The following KALRN variants were observed in gnomAD, a reference collection of about 807,000 sequenced individuals.
The protein encoded by KALRN is kalirin RhoGEF kinase.
Under a neutral mutation model 353.7 loss-of-function variants are expected in KALRN, and 70 were observed. The ratio of observed to expected loss-of-function variants is 0.20; its 90% confidence interval spans 0.16 to 0.24. The LOEUF (loss-of-function observed/expected upper bound fraction) is 0.24. Ranked by LOEUF, KALRN falls within the 10% of genes least tolerant of loss-of-function variation. KALRN has a pLI of 1.00. For synonymous variants in KALRN, 1,391 were observed against 1,434.8 expected (o/e 0.97, Z 0.69); for missense variants, 2,791 against 3,756.7 (o/e 0.74, Z 6.72).
intron 14 of KALRN, among the ~76,000 whole-genome samples, chr3:124,415,736 C>T (rs943453136): frequency 6.6e-6 from 1 of 152,172 alleles, no homozygotes; most frequent in Non-Finnish European, 1.5e-5. Flanking sequence ...TCAATTAGCC[C>T]TCCAGGTGAT....
rs539443695 is a variant in KALRN at position 124,325,880 on chromosome 3, T to C, written c.1093-100T>C. On this transcript the variant is annotated intron_variant, in intron 6 of 59. Coordinates refer to ENST00000682506, the MANE Select transcript of KALRN (RefSeq NM_001388419.1). ...GACTGTACCAGCGTCTCTCAGACTT[T>C]TGTTTTGGGCAGCTCCCTTCCCCAA... 102 of 931,008 alleles carry C rather than the reference T, an allele frequency of 1.1e-4. 1 individual carries two copies. The South Asian group carries it at 1.7e-3, about 15-fold the overall frequency. 57.7% of individuals were successfully genotyped at this position (931,008 alleles called of 1,614,324 possible).
intron 37 of KALRN, among the ~76,000 whole-genome samples, chr3:124,643,351 A>C (rs2082322631): frequency 6.6e-6 from 1 of 151,918 alleles, no homozygotes; most frequent in Non-Finnish European, 1.5e-5. Flanking sequence ...ACAAATCTGA[A>C]ATGTCATTGG....
chr3:124,647,679 C>T (rs1261154138), intron 37 of KALRN, among the ~76,000 whole-genome samples: 1 of 152,152 alleles, frequency 6.6e-6, no homozygotes, highest in Non-Finnish European at 1.5e-5. Context: ...ATCCTCATTT[C>T]TCCAGCACTT....
chr3:124,454,744 T>C (rs1315576317), intron 21 of KALRN, among the ~76,000 whole-genome samples: 1 of 152,186 alleles, frequency 6.6e-6, no homozygotes, highest in African/African-American at 2.4e-5. Flanking sequence ...CATCATTCCC[T>C]AAGCCATACG....
At chr3:124,307,721 TA>T (rs1195110519) in intron 6 of KALRN, among the ~76,000 whole-genome samples, 1 of 151,734 alleles carries the variant, frequency 6.6e-6, no homozygotes, top group Admixed American at 6.6e-5. Flanking sequence ...TATAGAAGTA[TA>T]AAAAAGACAT....
intron 13 of KALRN, among the ~76,000 whole-genome samples, chr3:124,410,860 C>T (rs1038193534): frequency 6.6e-6 from 1 of 152,174 alleles, no homozygotes; most frequent in Admixed American, 6.5e-5. Context: ...TGTGCAAGAG[C>T]AATGAAAACC....
At chr3:124,458,779 C>T (rs1382716735) in intron 23 of KALRN, among the ~76,000 whole-genome samples, 1 of 151,726 alleles carries the variant, frequency 6.6e-6, no homozygotes, top group Admixed American at 6.6e-5. Flanking sequence ...AAAAAAAATA[C>T]AAAACTTAGC....
chr3:124,496,948 G>T (rs2063918505), intron 33 of KALRN, among the ~76,000 whole-genome samples: 2 of 152,174 alleles, frequency 1.3e-5, no homozygotes, highest in African/African-American at 2.4e-5. Flanking sequence ...CTTTCCTCTG[G>T]CCAGATTATT....
Position 124,632,703 on chromosome 3 carries a change from G to A in KALRN, c.5466G>A (p.Glu1822=). The change falls in exon 35 of 60, where the codon GAG becomes GAA. Residue 1822 remains glutamate (E), a splice_region_variant and synonymous_variant. Coordinates refer to ENST00000682506, the MANE Select transcript of KALRN (RefSeq NM_001388419.1). ...CCCCTCAGGGAGACAGCGCTGATGA[G>A]GTACTTACAGGGGGCCCTGGAGTTG... ...ETTPQGDSAD[E]SKKGWGEDEP... 6.2e-7 allele frequency: 1 copy of A among 1,612,914 alleles called. No homozygotes were observed. Among genetic ancestry groups the A allele is most frequent in the Non-Finnish European group, 8.5e-7 (1 of 1,179,166 alleles).
At position 124,189,811 on chromosome 3, in the gene KALRN, C is replaced by T. The variant is rs542689239; in HGVS notation, c.74-38179C>T. Among the ~76,000 whole-genome samples, 14 of 151,998 alleles carry T rather than the reference C, an allele frequency of 9.2e-5. No individual in the cohort carries two copies. The East Asian group carries it at 1.9e-3, about 21-fold the overall frequency. On this transcript the variant is annotated intron_variant, in intron 1 of 59. Transcript: ENST00000682506. ...AAAATTAGCTGGGTGTGGTGGCATG[C>T]GCCTGTAATCCCAGCTGCTCAAGAG...
At chr3:124,100,046 C>T (rs973078355) in intron 1 of KALRN, among the ~76,000 whole-genome samples, 1 of 152,130 alleles carries the variant, frequency 6.6e-6, no homozygotes, top group Admixed American at 6.5e-5. Context: ...CACCTGTAAT[C>T]CCAGCTACTC....
chr3:124,064,348 A>C (rs907112951), intron 1 of KALRN, among the ~76,000 whole-genome samples: 2 of 152,260 alleles, frequency 1.3e-5, no homozygotes, highest in African/African-American at 4.8e-5. Flanking sequence ...CCTCTGTGGC[A>C]GCCATTTAGC....
At chr3:124,363,548 T>C (rs2084300652) in intron 10 of KALRN, among the ~76,000 whole-genome samples, 1 of 152,198 alleles carries the variant, frequency 6.6e-6, no homozygotes, top group Non-Finnish European at 1.5e-5. Context: ...CAAATGTAAA[T>C]TGCCATCATT....
At chr3:124,709,720 TC>T (rs2062801001) in intron 57 of KALRN, among the ~76,000 whole-genome samples, 1 of 151,782 alleles carries the variant, frequency 6.6e-6, no homozygotes. Flanking sequence ...AAACAGAAAT[TC>T]CAGAAAGAGA....
chr3:124,102,394 T>C (rs568575253), intron 1 of KALRN, among the ~76,000 whole-genome samples: 3 of 152,242 alleles, frequency 2.0e-5, no homozygotes, highest in South Asian at 2.1e-4. Context: ...CACATTCTTT[T>C]CCCTCCCAAC....
At chr3:124,637,564 A>G (rs1380338830) in intron 37 of KALRN, among the ~76,000 whole-genome samples, 1 of 152,204 alleles carries the variant, frequency 6.6e-6, no homozygotes, top group Non-Finnish European at 1.5e-5. Flanking sequence ...CCTCATTGCA[A>G]GCCTGATCCA....
At chr3:124,429,431 A>G (rs1406389258) in intron 15 of KALRN, among the ~76,000 whole-genome samples, 2 of 152,220 alleles carry the variant, frequency 1.3e-5, no homozygotes, top group Admixed American at 1.3e-4. Flanking sequence ...TGAAACAGAT[A>G]GTGGTGTCTT....
At chr3:124,152,524 C>G in intron 1 of KALRN, 1 of 714,126 alleles carries the variant, frequency 1.4e-6, no homozygotes, top group Admixed American at 2.1e-5. Flanking sequence ...TTCCTTGTTA[C>G]AGTGCTTTTC....
chr3:124,138,778 G>C (rs544781346), intron 1 of KALRN, among the ~76,000 whole-genome samples: 1 of 152,130 alleles, frequency 6.6e-6, no homozygotes, highest in East Asian at 1.9e-4. Flanking sequence ...GAGTACAGAG[G>C]GGGTAACTCC....
Sources: gnomAD v4.1 joint callset for allele counts (sites outside exome capture counted in the v4.1 genomes callset) on GRCh38, gnomAD v4.1.1 for gene constraint, MANE v1.5 for transcripts, NCBI Gene and HGNC (gene_info 2026-07-23, HGNC 2026-07-21) for gene names.